SSPN: variants seen among roughly 807,000 people sequenced by gnomAD.
SSPN encodes K-ras oncogene-associated protein.
Under a neutral mutation model 19.1 loss-of-function variants are expected in SSPN, and 15 were observed. The ratio of observed to expected loss-of-function variants is 0.78; its 90% confidence interval spans 0.52 to 1.21. SSPN has a LOEUF of 1.21. SSPN is among the 50% of genes most tolerant of loss of function. SSPN has a pLI of 0.00. For synonymous variants in SSPN, 147 were observed against 140.3 expected (o/e 1.05, Z -0.34); for missense variants, 291 against 314.0 (o/e 0.93, Z 0.55).
At chr12:26,227,274 G>A (rs1591898198) in intron 2 of SSPN, among the ~76,000 whole-genome samples, 2 of 152,090 alleles carry the variant, frequency 1.3e-5, no homozygotes, top group African/African-American at 2.4e-5. Flanking sequence ...AGGGGGGATC[G>A]AGTATATATT....
intron 1 of SSPN, among the ~76,000 whole-genome samples, chr12:26,135,669 T>G (rs1944421150): frequency 6.6e-6 from 1 of 152,204 alleles, no homozygotes; most frequent in African/African-American, 2.4e-5. Context: ...CTCATTTCTC[T>G]AATTATGTAT....
intron 1 of SSPN, chr12:26,124,405 G>T: frequency 8.3e-7 from 1 of 1,208,176 alleles, no homozygotes; most frequent in Non-Finnish European, 1.2e-6. Flanking sequence ...AAAATTCACA[G>T]TTGGGGAAGC....
intron 1 of SSPN, chr12:26,125,569 T>C (rs1311729648): frequency 6.5e-6 from 1 of 152,748 alleles, no homozygotes; most frequent in Non-Finnish European, 1.5e-5. Flanking sequence ...AAGAAGCAAC[T>C]TGCAATCCGC....
intron 1 of SSPN, among the ~76,000 whole-genome samples, chr12:26,204,905 G>A (rs1389855223): frequency 6.6e-6 from 1 of 152,212 alleles, no homozygotes; most frequent in African/African-American, 2.4e-5. Flanking sequence ...GCCACGATGG[G>A]ATACTGTAAG....
rs58022147 is a variant in SSPN, at chr12:26,220,247, C to CAAAAAAAAAAAAAAAAAAAA, written c.280-4045_280-4026dup. 1.7e-5 allele frequency among the ~76,000 whole-genome samples: 2 copies of CAAAAAAAAAAAAAAAAAAAA among 114,482 alleles called. 1 individual carries two copies. The highest frequency in any genetic ancestry group is 3.4e-5 in the Non-Finnish European group (2 of 58,544). The allele number at this position is 114,482 out of a possible 152,430, so 75.1% of individuals were successfully genotyped here. A position where few individuals can be genotyped will look rare whatever the true frequency, so the allele number is the denominator to read the frequency against. On this transcript the variant is annotated intron_variant, in intron 1 of 2. Transcript: ENST00000242729. ...TTGTTACAACATGCAAAGCTGTAGGCAAAAAAAAAAAAAAAAAAAATGACA... is the reference window on the plus strand; with the variant it reads ...TTGTTACAACATGCAAAGCTGTAGGCAAAAAAAAAAAAAAAAAAAAAAAAAAAAAAAAAAAAAAAATGACA...
intron 1 of SSPN, among the ~76,000 whole-genome samples, chr12:26,132,233 T>A (rs1354677438): frequency 2.0e-5 from 3 of 152,224 alleles, no homozygotes; most frequent in Non-Finnish European, 4.4e-5. Context: ...GTGTCTAGCA[T>A]CTTGGGATCT....
chr12:26,179,845 T>TATCTCTGA (rs142561143), intron 1 of SSPN, among the ~76,000 whole-genome samples: 2,393 of 151,770 alleles, frequency 0.016, 69 homozygotes, highest in African/African-American at 0.055. Context: ...GGTGTTGCAG[T>TATCTCTGA]ATCTCTGATG....
At chr12:26,193,021 T>C (rs1944798604), upstream of SSPN, among the ~76,000 whole-genome samples, 2 of 152,348 alleles carry the variant, frequency 1.3e-5, no homozygotes, top group South Asian at 2.1e-4. Flanking sequence ...AACTTGTATC[T>C]AGTTATAAAC....
chr12:26,146,082 C>T lies in SSPN; in HGVS notation c.-31+23930C>T, dbSNP rs144455616. Among the ~76,000 whole-genome samples, 508 of 152,258 alleles carry T rather than the reference C, an allele frequency of 3.3e-3. 2 individuals carry two copies. Among genetic ancestry groups the T allele is most frequent in the Non-Finnish European group, 5.7e-3 (390 of 68,016 alleles). ...CTAAATGACAACAGTGGTGCTGTAC[C>T]GTAAATCCAGAGAAGCAATTGCCAC... is the stretch of plus-strand genomic sequence containing the variant. On this transcript the variant is annotated intron_variant, in intron 1 of 2. Transcript: ENST00000538142.
chr12:26,154,850 T>A (rs1391614943), intron 1 of SSPN, among the ~76,000 whole-genome samples: 2 of 152,162 alleles, frequency 1.3e-5, no homozygotes, highest in Non-Finnish European at 2.9e-5. Flanking sequence ...CCACATCAGA[T>A]CCTGGACCAG....
chr12:26,195,434 C>CG (rs1944816966), upstream of SSPN: 4 of 651,498 alleles, frequency 6.1e-6, no homozygotes, highest in Non-Finnish European at 8.7e-6. Context: ...AAATCCTGCC[C>CG]GGGGCCCGGC....
Position 26,233,191 on chromosome 12 carries a change from G to A in SSPN, c.*2115G>A, listed in dbSNP as rs1207401907. The A allele has an allele frequency of 6.6e-6, 1 of 151,972 alleles. No homozygotes were observed. Among genetic ancestry groups the A allele is most frequent in the Non-Finnish European group, 1.5e-5 (1 of 68,002 alleles). The allele number at this position is 151,972 out of a possible 1,614,324, so 9.4% of individuals were successfully genotyped here. A position where few individuals can be genotyped will look rare whatever the true frequency, so the allele number is the denominator to read the frequency against. On this transcript the variant is annotated 3_prime_UTR_variant, in exon 3 of 3. Coordinates refer to ENST00000242729, the MANE Select transcript of SSPN (RefSeq NM_005086.5). The surrounding 1 kb of genome is among the most constrained non-coding windows in gnomAD (Gnocchi z 4.3). ...AAATTAAGACTCTGTATATCCTTAA[G>A]GTGCTCTATGCTTTACCAGTAATTC...
intron 1 of SSPN, among the ~76,000 whole-genome samples, chr12:26,157,421 G>A (rs557036890): frequency 7.1e-4 from 108 of 152,274 alleles, no homozygotes; most frequent in Non-Finnish European, 1.3e-3. Context: ...AAGCATTTCT[G>A]AGTAAATTGG....
intron 1 of SSPN, among the ~76,000 whole-genome samples, chr12:26,159,512 A>C (rs7309947): frequency 0.16 from 24,252 of 152,196 alleles, 4,318 homozygotes; most frequent in African/African-American, 0.44. Context: ...CAGGTAGAAC[A>C]GTGCAAGGGG....
chr12:26,124,430 A>G, intron 1 of SSPN: 1 of 1,409,578 alleles, frequency 7.1e-7, no homozygotes, highest in Non-Finnish European at 1.0e-6. Flanking sequence ...GGGCTGGAAT[A>G]TATTTGCGGG....
At chr12:26,144,460 C>T (rs1591848030) in intron 1 of SSPN, among the ~76,000 whole-genome samples, 1 of 152,316 alleles carries the variant, frequency 6.6e-6, no homozygotes, top group Admixed American at 6.5e-5. Flanking sequence ...CCTATTCTTT[C>T]CTGCTTATCA....
chr12:26,140,537 C>G (rs1301506482), intron 1 of SSPN, among the ~76,000 whole-genome samples: 5 of 152,124 alleles, frequency 3.3e-5, no homozygotes, highest in African/African-American at 9.7e-5. Flanking sequence ...ATTGTAATCC[C>G]CAGTATTGGA....
intron 2 of SSPN, among the ~76,000 whole-genome samples, chr12:26,229,063 C>A (rs1272937010): frequency 6.6e-6 from 1 of 152,100 alleles, no homozygotes; most frequent in East Asian, 1.9e-4. Flanking sequence ...TGAGTATAAT[C>A]ATTGTTATGT....
At chr12:26,146,829 A>AAAAAAAAAAAAAG (rs1591849160) in intron 1 of SSPN, among the ~76,000 whole-genome samples, 1 of 151,726 alleles carries the variant, frequency 6.6e-6, no homozygotes, top group East Asian at 1.9e-4. Context: ...AAAAAAAAAA[A>AAAAAAAAAAAAAG]AGAAAGAAAT....
Sources: allele counts gnomAD v4.1 joint callset (sites outside exome capture counted in the v4.1 genomes callset), GRCh38; gene constraint gnomAD v4.1.1; non-coding constraint Gnocchi (gnomAD v3.1); transcripts MANE v1.5; gene names NCBI Gene and HGNC (gene_info 2026-07-23, HGNC 2026-07-21).